The following OR2V1 variants were observed in gnomAD, a reference collection of about 807,000 sequenced individuals.
OR2V1 encodes olfactory receptor 2V1.
In OR2V1, 18 loss-of-function variants were observed where a neutral mutation model predicts 15.0. The observed-to-expected ratio is 1.20, with a 90% CI of 0.83 to 1.78. OR2V1 has a LOEUF of 1.78. OR2V1 is among the 40% of genes most tolerant of loss of function. The pLI is 0.00. For missense variants in OR2V1, 359 were observed against 392.9 expected, an observed-to-expected ratio of 0.91 and a Z score of 0.73; for synonymous variants, 144 against 146.1, an observed-to-expected ratio of 0.99 and a Z score of 0.10.
chr5:181,128,338 G>A (rs557319036), intron 3 of OR2V1, among the ~76,000 whole-genome samples: 163 of 152,240 alleles, frequency 1.1e-3, no homozygotes, highest in Middle Eastern at 3.4e-3. Flanking sequence ...CTGGAGGATG[G>A]CAACGGCCCC....
intron 3 of OR2V1, among the ~76,000 whole-genome samples, chr5:181,126,420 CCACACACACACACACA>C (rs10532191): frequency 9.2e-5 from 13 of 141,034 alleles, no homozygotes; most frequent in Admixed American, 1.4e-4. Context: ...ACATCACACA[CCACACACACACACACA>C]CACACACACA....
rs773731394 is a variant in OR2V1, at chr5:181,124,393, C to T, written c.912G>A (p.Lys304=). The T allele has an allele frequency of 2.5e-6, 4 of 1,607,220 alleles. No individual in the cohort carries two copies. The East Asian group carries it at 8.9e-5, about 36-fold the overall frequency. Residue 304 remains lysine, a synonymous_variant, in exon 4 of 4, where the codon AAG becomes AAA. Coordinates refer to ENST00000641551, the MANE Select transcript of OR2V1 (RefSeq NM_001258283.2). ...TGCCAATCCTGCAGCGGTCCAGCCC[C>T]TTCCTCAGTGCCCCCATCACCTCCC... ...RNGEVMGALR[K]GLDRCRIGSQ...
intron 3 of OR2V1, among the ~76,000 whole-genome samples, chr5:181,125,757 G>A (rs560973752): frequency 3.3e-5 from 5 of 152,316 alleles, no homozygotes; most frequent in Admixed American, 2.0e-4. Context: ...ATGCTGAGGC[G>A]GGTGGATCAC....
chr5:181,124,601 C>T lies in OR2V1; in HGVS notation c.704G>A (p.Trp235Ter). ...GGAGCAGGTGGCCAGGGCTTTTTTC[C>T]AGGCCTGAGCAGAGCGTATTCGGAG... ...AVLRIRSAQA[W>*]KKALATCSSH... Residue 235 changes from tryptophan to a stop codon, truncating the protein, a stop_gained, in exon 4 of 4, where the codon TGG (tryptophan) becomes TAG (stop). Coordinates refer to ENST00000641551, the MANE Select transcript of OR2V1 (RefSeq NM_001258283.2). LOFTEE classifies it high-confidence loss of function. The T allele has an allele frequency of 6.2e-7, 1 of 1,612,710 alleles. No individual in the cohort carries two copies. The highest frequency in any genetic ancestry group is 8.5e-7 in the Non-Finnish European group (1 of 1,179,292).
intron 3 of OR2V1, among the ~76,000 whole-genome samples, chr5:181,128,438 G>A (rs7378707): frequency 0.97 from 147,524 of 152,276 alleles, 71,485 homozygotes; most frequent in East Asian, 1. Flanking sequence ...CATCTCTGCA[G>A]GAATAAAGCC....
rs927508854 is a variant in OR2V1 at position 181,130,067 on chromosome 5, G to A, written c.-78+106C>T. ...ACCCTGATGGAGGCAGACAGCAGGA[G>A]GAAGAGCAAGTGCTGATGAACAAGA... On this transcript the variant is annotated intron_variant, in intron 2 of 3. Transcript: ENST00000641551. 6.5e-4 allele frequency: 260 copies of A among 398,398 alleles called. 2 individuals are homozygous for A. In the East Asian group the frequency reaches 9.2e-3, roughly 14 times the overall value. The allele number at this position is 398,398 out of a possible 1,614,324, so 24.7% of individuals were successfully genotyped here.
At chr5:181,129,691 G>A (rs1246304548) in intron 2 of OR2V1, 116 bp from the exon 3 acceptor site, 1 of 153,454 alleles carries the variant, frequency 6.5e-6, no homozygotes, top group East Asian at 1.9e-4. Flanking sequence ...TTTAGTTAAT[G>A]GCTTCACTTT....
chr5:181,129,666 C>G (rs561731364), intron 2 of OR2V1, 91 bp from the exon 3 acceptor site: 1 of 152,610 alleles, frequency 6.6e-6, no homozygotes, highest in South Asian at 2.1e-4. Context: ...TAATTTCAGA[C>G]CTTTCCGTTG....
intron 3 of OR2V1, among the ~76,000 whole-genome samples, chr5:181,129,012 G>A (rs977165352): frequency 1.3e-5 from 2 of 152,178 alleles, no homozygotes; most frequent in East Asian, 1.9e-4. Context: ...AGGATAGCTC[G>A]AGGTAGGAGT....
rs988354296 is a variant in OR2V1, at chr5:181,124,016, AAAAAT to A, written c.*336_*340del. On this transcript the variant is annotated 3_prime_UTR_variant, in exon 4 of 4. Coordinates refer to ENST00000641551, the MANE Select transcript of OR2V1 (RefSeq NM_001258283.2). The stretch of plus-strand genomic sequence containing the variant: ...TAGCACTAAAGGGCAGAAAAACACA[AAAAAT>A]AAAATAAAGAAAATAAAAAATAGAG... 1.1e-4 allele frequency: 21 copies of A among 196,130 alleles called. No homozygotes were observed. Among genetic ancestry groups the A allele is most frequent in the African/African-American group, 3.7e-4 (16 of 43,302 alleles). 12.1% of individuals were successfully genotyped at this position (196,130 alleles called of 1,614,324 possible). A position where few individuals can be genotyped will look rare whatever the true frequency, so the allele number is the denominator to read the frequency against.
intron 2 of OR2V1, among the ~76,000 whole-genome samples, chr5:181,129,818 C>T (rs139674171): frequency 2.6e-5 from 4 of 152,198 alleles, no homozygotes; most frequent in Non-Finnish European, 5.9e-5. Flanking sequence ...CCTTCGCACT[C>T]CCCACACATC....
At chr5:181,128,206 ACACAC>A (rs1762906358) in intron 3 of OR2V1, among the ~76,000 whole-genome samples, 1 of 150,246 alleles carries the variant, frequency 6.7e-6, no homozygotes, top group Non-Finnish European at 1.5e-5. Context: ...ACACACACAC[ACACAC>A]ACACACACAC....
chr5:181,129,860 C>T (rs1762937485), intron 2 of OR2V1, among the ~76,000 whole-genome samples: 1 of 152,204 alleles, frequency 6.6e-6, no homozygotes. Context: ...GACCATCCTC[C>T]ACCCCAGGGA....
chr5:181,128,506 C>G (rs1037897392), intron 3 of OR2V1, among the ~76,000 whole-genome samples: 8 of 152,216 alleles, frequency 5.3e-5, no homozygotes, highest in African/African-American at 1.9e-4. Flanking sequence ...CCACCCACGC[C>G]TTTCCTTCCA....
At chr5:181,125,919 A>T (rs1762866074) in intron 3 of OR2V1, among the ~76,000 whole-genome samples, 1 of 152,174 alleles carries the variant, frequency 6.6e-6, no homozygotes, top group African/African-American at 2.4e-5. Context: ...CAGGAGGTGG[A>T]GGTTGCAGTG....
chr5:181,128,598 G>C (rs1056328758), intron 3 of OR2V1, among the ~76,000 whole-genome samples: 1 of 152,180 alleles, frequency 6.6e-6, no homozygotes, highest in Non-Finnish European at 1.5e-5. Context: ...GCTCCAGGGG[G>C]CCTGGACACT....
In OR2V1 at chr5:181,124,932, C is replaced by T. The variant is rs377463886; in HGVS notation, c.373G>A (p.Val125Met). 40 of 1,613,962 alleles carry T rather than the reference C, an allele frequency of 2.5e-5. No individual in the cohort carries two copies. The Middle Eastern group carries it at 6.6e-4, about 27-fold the overall frequency. The change falls in exon 4 of 4, where the codon GTG becomes ATG. Residue 125 changes from valine (V) to methionine (M), a missense_variant. Val to Met is a conservative substitution (Grantham distance 21). Transcript: ENST00000641551. ...LLGLMAYDRY[V>M]AVSHPLHYPI... ...TAGTGAAGTGGGTGGCTAACGGCCACGTAGCGGTCATAAGCCATGAGTCCC... is the reference window on the plus strand; with the variant it reads ...TAGTGAAGTGGGTGGCTAACGGCCATGTAGCGGTCATAAGCCATGAGTCCC...
At position 181,124,150 on chromosome 5, in the gene OR2V1, C is replaced by T; in HGVS notation, c.*207G>A. The T allele has an allele frequency of 4.7e-6, 2 of 426,334 alleles. No individual in the cohort carries two copies. The allele number at this position is 426,334 out of a possible 1,614,324, so 26.4% of individuals were successfully genotyped here. A position where few individuals can be genotyped will look rare whatever the true frequency, so the allele number is the denominator to read the frequency against. On this transcript the variant is annotated 3_prime_UTR_variant, in exon 4 of 4. Transcript: ENST00000641551. ...TGACACATTGTGATCTTTACAAAAT[C>T]CCTCAGAGCACGAGTGTCCTGATTA...
chr5:181,129,035 T>C (rs113136269), intron 3 of OR2V1, among the ~76,000 whole-genome samples: 5,869 of 152,262 alleles, frequency 0.039, 126 homozygotes, highest in Middle Eastern at 0.099. Context: ...GAGACCAGCC[T>C]GGGCAACATA....
Sources: allele counts gnomAD v4.1 joint callset (sites outside exome capture counted in the v4.1 genomes callset), GRCh38; gene constraint gnomAD v4.1.1; transcripts MANE v1.5; gene names NCBI Gene and HGNC (gene_info 2026-07-23, HGNC 2026-07-21).